HORMAD2: variants seen among roughly 807,000 people sequenced by gnomAD.
The protein encoded by HORMAD2 is HORMA domain-containing protein 2.
A neutral mutation model predicts 38.8 loss-of-function variants in HORMAD2; 45 were observed. The ratio of observed to expected loss-of-function variants is 1.16; its 90% CI spans 0.91 to 1.49. The LOEUF (loss-of-function observed/expected upper bound fraction) is 1.49, where lower values mean the gene tolerates loss of function less well. Among genes scored for constraint, HORMAD2 ranks in the 40% most tolerant of loss-of-function variants. HORMAD2 has a pLI of 0.00. For missense variants in HORMAD2, 338 were observed against 367.0 expected, an observed-to-expected ratio of 0.92 and a Z score of 0.65; for synonymous variants, 126 against 122.8, an observed-to-expected ratio of 1.03 and a Z score of -0.17.
Position 30,093,918 on chromosome 22 carries a change from T to G in HORMAD2, c.-35T>G, listed in dbSNP as rs747624832. ...ATTAATTAATTATTTTTTAATAGGTTGGACTTGTTGAAATAATCCTGATAC... is the reference window on the plus strand; with the variant it reads ...ATTAATTAATTATTTTTTAATAGGTGGGACTTGTTGAAATAATCCTGATAC... On this transcript the variant is annotated splice_region_variant and 5_prime_UTR_variant, in exon 2 of 11. Transcript: ENST00000336726. 2 of 1,486,714 alleles carry G rather than the reference T, an allele frequency of 1.3e-6. No homozygotes were observed. The highest frequency in any genetic ancestry group is 1.9e-6 in the Non-Finnish European group (2 of 1,075,614). The allele number at this position is 1,486,714 out of a possible 1,614,324, so 92.1% of individuals were successfully genotyped here.
chr22:30,154,831 A>G (rs568935754), intron 10 of HORMAD2, among the ~76,000 whole-genome samples: 1 of 152,246 alleles, frequency 6.6e-6, no homozygotes, highest in East Asian at 1.9e-4. Context: ...ACTTTTGGAA[A>G]CTGAGGCAGA....
intron 10 of HORMAD2, among the ~76,000 whole-genome samples, chr22:30,171,338 C>T (rs1056247761): frequency 1.3e-5 from 2 of 152,196 alleles, no homozygotes; most frequent in African/African-American, 4.8e-5. Flanking sequence ...CCAAATTCAG[C>T]AGGTTCAAAA....
chr22:30,093,400 A>G (rs2068726579), intron 1 of HORMAD2, among the ~76,000 whole-genome samples: 1 of 152,132 alleles, frequency 6.6e-6, no homozygotes, highest in African/African-American at 2.4e-5. Flanking sequence ...CCTTTGCTAT[A>G]TTGTTACACT....
chr22:30,175,207 T>TATATATTATATATTATATTATAGA, intron 10 of HORMAD2, among the ~76,000 whole-genome samples: 1 of 104,380 alleles, frequency 9.6e-6, no homozygotes, highest in Non-Finnish European at 2.1e-5. Flanking sequence ...GCTTTAAATA[T>TATATATTATATATTATATTATAGA]ATATATTATA....
At chr22:30,100,797 G>T (rs944780459) in intron 3 of HORMAD2, among the ~76,000 whole-genome samples, 1 of 152,168 alleles carries the variant, frequency 6.6e-6, no homozygotes, top group Non-Finnish European at 1.5e-5. Flanking sequence ...CTTCTCAAAA[G>T]AAGACATTTA....
intron 10 of HORMAD2, among the ~76,000 whole-genome samples, chr22:30,136,286 G>C (rs1923647283): frequency 6.6e-6 from 1 of 152,066 alleles, no homozygotes. Flanking sequence ...CATTTTTTCT[G>C]TTTTTAATAG....
chr22:30,173,800 A>G (rs1926264688), intron 10 of HORMAD2, among the ~76,000 whole-genome samples: 1 of 152,220 alleles, frequency 6.6e-6, no homozygotes, highest in Non-Finnish European at 1.5e-5. Flanking sequence ...ACAGCCAAAG[A>G]CAGAACTTTA....
chr22:30,098,172 A>G (rs1469765844), intron 2 of HORMAD2, among the ~76,000 whole-genome samples: 1 of 152,198 alleles, frequency 6.6e-6, no homozygotes, highest in Non-Finnish European at 1.5e-5. Flanking sequence ...GGGACTCAGA[A>G]CAGAAATAGG....
At chr22:30,127,944 G>A (rs1922999862) in intron 10 of HORMAD2, among the ~76,000 whole-genome samples, 1 of 152,068 alleles carries the variant, frequency 6.6e-6, no homozygotes, top group Non-Finnish European at 1.5e-5. Flanking sequence ...CTCAAATCTA[G>A]CGCTGTTACC....
intron 2 of HORMAD2, 101 bp downstream of exon 2, chr22:30,094,104 A>T (rs2068739930): frequency 1.2e-6 from 1 of 832,702 alleles, no homozygotes; most frequent in Admixed American, 2.5e-5. Context: ...CAGCAGTTTT[A>T]TCAGTTAATT....
At chr22:30,080,847 G>T (rs2068458292) in intron 1 of HORMAD2, among the ~76,000 whole-genome samples, 1 of 152,138 alleles carries the variant, frequency 6.6e-6, no homozygotes, top group African/African-American at 2.4e-5. Flanking sequence ...GCCCGACATT[G>T]GAGGGGGCCG....
At chr22:30,148,874 G>A (rs866177321) in intron 10 of HORMAD2, among the ~76,000 whole-genome samples, 1 of 152,072 alleles carries the variant, frequency 6.6e-6, no homozygotes, top group African/African-American at 2.4e-5. Context: ...GCGTGGTGAC[G>A]GGTGCCTGTA....
chr22:30,181,639 C>T (rs942381838), downstream of HORMAD2, among the ~76,000 whole-genome samples: 2 of 152,190 alleles, frequency 1.3e-5, no homozygotes, highest in African/African-American at 4.8e-5. Flanking sequence ...TTGTAGCTGT[C>T]TTTAAATTTA....
chr22:30,198,883 G>A, the HORMAD2 span, among the ~76,000 whole-genome samples: 5 of 152,276 alleles, frequency 3.3e-5, no homozygotes, highest in South Asian at 4.1e-4. Context: ...AAAACCAAGC[G>A]GCATCCAGTG....
the HORMAD2 span, among the ~76,000 whole-genome samples, chr22:30,194,958 C>T: frequency 4.6e-5 from 7 of 151,872 alleles, no homozygotes; most frequent in Non-Finnish European, 5.9e-5. Context: ...TTTGGGAGGC[C>T]GAGGCGGGTG....
the HORMAD2 span, among the ~76,000 whole-genome samples, chr22:30,185,479 G>T: frequency 6.6e-6 from 1 of 152,192 alleles, no homozygotes; most frequent in Admixed American, 6.5e-5. Flanking sequence ...TTATGGTGAT[G>T]ATACAATGTG....
chr22:30,191,945 C>T, the HORMAD2 span, among the ~76,000 whole-genome samples: 3 of 152,116 alleles, frequency 2.0e-5, no homozygotes, highest in Non-Finnish European at 2.9e-5. Flanking sequence ...TCCAATAATT[C>T]TGCAGCTTCT....
intron 10 of HORMAD2, among the ~76,000 whole-genome samples, chr22:30,146,313 A>G (rs1394960372): frequency 6.6e-6 from 1 of 152,120 alleles, no homozygotes; most frequent in African/African-American, 2.4e-5. Context: ...CAACATGGTG[A>G]AACCCCATCT....
intron 7 of HORMAD2, among the ~76,000 whole-genome samples, chr22:30,114,020 A>T (rs1269355207): frequency 6.6e-6 from 1 of 152,176 alleles, no homozygotes; most frequent in Non-Finnish European, 1.5e-5. Flanking sequence ...TGTAGTATTT[A>T]TCATGTTTTC....
Sources: gnomAD v4.1 joint callset for allele counts (sites outside exome capture counted in the v4.1 genomes callset) on GRCh38, gnomAD v4.1.1 for gene constraint, MANE v1.5 for transcripts, NCBI Gene and HGNC (gene_info 2026-07-23, HGNC 2026-07-21) for gene names.